Variants in SDK1 observed in about 807,000 individuals in gnomAD.
SDK1 encodes protein sidekick-1.
In SDK1, 157 loss-of-function variants were observed where a neutral mutation model predicts 245.5. The ratio of observed to expected loss-of-function variants is 0.64; its 90% CI spans 0.56 to 0.73. The LOEUF (loss-of-function observed/expected upper bound fraction) is 0.73. Ranked by LOEUF, SDK1 falls within the 30% of genes least tolerant of loss-of-function variation. SDK1 has a pLI of 0.00. For synonymous variants in SDK1, 1,647 were observed against 1,278.5 expected (o/e 1.29, Z -6.15); for missense variants, 3,583 against 3,002.3 (o/e 1.19, Z -4.52).
chr7:3,343,998 A>G (rs1200114618), intron 1 of SDK1, among the ~76,000 whole-genome samples: 1 of 147,226 alleles, frequency 6.8e-6, no homozygotes, highest in Non-Finnish European at 1.5e-5. Flanking sequence ...ACTAAACCAT[A>G]GTTGCTAAAC....
chr7:4,247,589 C>T (rs1786971329), intron 44 of SDK1, among the ~76,000 whole-genome samples: 1 of 152,246 alleles, frequency 6.6e-6, no homozygotes. Flanking sequence ...GCGCCGGCCT[C>T]GGGCCTGTCC....
At position 3,974,497 on chromosome 7, in the gene SDK1, T is replaced by C. The variant is rs747394048; in HGVS notation, c.1946T>C (p.Ile649Thr). ...SGDIGDYSCE[I>T]VSEGGNDSRM... is the part of the protein sequence containing the mutation. ...GACATCGGTGACTACAGCTGCGAGA[T>C]TGTTTCTGAAGGAGGGAATGACTCC... The change falls in exon 13 of 45, where the codon ATT becomes ACT. Residue 649 changes from isoleucine to threonine, a missense_variant. Ile to Thr is a moderately conservative substitution (Grantham distance 89). Coordinates refer to ENST00000404826, the MANE Select transcript of SDK1 (RefSeq NM_152744.4). The C allele has an allele frequency of 2.9e-5, 46 of 1,613,886 alleles. No individual in the cohort carries two copies. The highest frequency in any genetic ancestry group is 3.5e-5 in the Non-Finnish European group (41 of 1,180,004).
At chr7:3,403,121 A>G (rs2128574025) in intron 1 of SDK1, among the ~76,000 whole-genome samples, 1 of 152,162 alleles carries the variant, frequency 6.6e-6, no homozygotes, top group Non-Finnish European at 1.5e-5. Context: ...TTTAGTAGAA[A>G]CAGGGTTTCT....
chr7:3,565,106 CT>C (rs78415022), intron 1 of SDK1, among the ~76,000 whole-genome samples: 2,316 of 142,954 alleles, frequency 0.016, 18 homozygotes, highest in African/African-American at 0.026. Context: ...ACTTTTATTA[CT>C]TTTTTTTTTT....
intron 20 of SDK1, among the ~76,000 whole-genome samples, chr7:4,068,207 C>T (rs1780022739): frequency 6.6e-6 from 1 of 152,212 alleles, no homozygotes; most frequent in African/African-American, 2.4e-5. Context: ...TGTCCAGAGT[C>T]TCTGACCAAT....
At chr7:3,314,803 T>C (rs753246930) in intron 1 of SDK1, among the ~76,000 whole-genome samples, 113 of 152,272 alleles carry the variant, frequency 7.4e-4, no homozygotes, top group Non-Finnish European at 1.2e-3. Flanking sequence ...CCTTAAGAGG[T>C]TTTATTTTAA....
intron 4 of SDK1, among the ~76,000 whole-genome samples, chr7:3,718,660 G>C (rs1194738837): frequency 6.6e-6 from 1 of 152,044 alleles, no homozygotes; most frequent in Non-Finnish European, 1.5e-5. Context: ...ACTTCGTAAA[G>C]AGTATGTACA....
chr7:3,827,595 G>A lies in SDK1; in HGVS notation c.847+6012G>A, dbSNP rs2115068411. ...GAGGTGGGACCTACGTGTGTTGTCA[G>A]CTGACACTTCATTACAAATAACTTG... On this transcript the variant is annotated intron_variant, in intron 5 of 44. Transcript: ENST00000404826. 2.0e-5 allele frequency among the ~76,000 whole-genome samples: 3 copies of A among 152,358 alleles called. No individual in the cohort carries two copies. In the South Asian group the frequency reaches 6.2e-4, roughly 32 times the overall value.
intron 5 of SDK1, among the ~76,000 whole-genome samples, chr7:3,927,479 G>A (rs1416403968): frequency 6.6e-6 from 1 of 152,154 alleles, no homozygotes; most frequent in Non-Finnish European, 1.5e-5. Flanking sequence ...AGGGGAACTT[G>A]GAAGGAAACA....
At chr7:3,975,671 T>C (rs1337649352) in intron 13 of SDK1, among the ~76,000 whole-genome samples, 3 of 152,246 alleles carry the variant, frequency 2.0e-5, no homozygotes, top group African/African-American at 2.4e-5. Context: ...TTTGTGGATA[T>C]AAAAGGTTCA....
chr7:3,585,769 G>A (rs973068712), intron 1 of SDK1, among the ~76,000 whole-genome samples: 1 of 152,100 alleles, frequency 6.6e-6, no homozygotes, highest in African/African-American at 2.4e-5. Context: ...ATGAAACGGG[G>A]GAGAAATCTA....
rs183201122 is a variant in SDK1, at chr7:3,363,163, C to G, written c.298+61279C>G. ...ATCTCCTTCCACACTGCTCGGCAAC[C>G]ATGAATCTGTTCTCCATTTCTATAA... On this transcript the variant is annotated intron_variant, in intron 1 of 44. Transcript: ENST00000404826. 3.1e-3 allele frequency among the ~76,000 whole-genome samples: 470 copies of G among 152,290 alleles called. 1 individual carries two copies. Among genetic ancestry groups the G allele is most frequent in the African/African-American group, 0.011 (442 of 41,556 alleles).
intron 5 of SDK1, among the ~76,000 whole-genome samples, chr7:3,871,851 G>A (rs1780964427): frequency 6.6e-6 from 1 of 152,140 alleles, no homozygotes; most frequent in African/African-American, 2.4e-5. Context: ...TTTTATCAGA[G>A]TGGTTAGAAA....
chr7:4,161,196 C>T (rs1234121194), intron 31 of SDK1, among the ~76,000 whole-genome samples: 4 of 152,146 alleles, frequency 2.6e-5, no homozygotes, highest in African/African-American at 4.8e-5. Flanking sequence ...GGCTAGAGTG[C>T]AGGGCATGGC....
chr7:3,565,659 G>C (rs569685411), intron 1 of SDK1, among the ~76,000 whole-genome samples: 3 of 152,274 alleles, frequency 2.0e-5, no homozygotes, highest in Non-Finnish European at 2.9e-5. Flanking sequence ...ATTCACAGAT[G>C]CTCAAATCCC....
intron 30 of SDK1, among the ~76,000 whole-genome samples, chr7:4,154,960 G>T: frequency 6.6e-6 from 1 of 152,002 alleles, no homozygotes; most frequent in East Asian, 1.9e-4. Context: ...AGGAGCAACG[G>T]GGGTGGGGGG....
chr7:4,020,609 G>A (rs972103788), intron 17 of SDK1, among the ~76,000 whole-genome samples: 10 of 152,234 alleles, frequency 6.6e-5, no homozygotes, highest in African/African-American at 2.4e-4. Flanking sequence ...AGGAAGCAGA[G>A]TGACAAGAGG....
chr7:3,866,627 C>T (rs1780827631), intron 5 of SDK1, among the ~76,000 whole-genome samples: 2 of 152,100 alleles, frequency 1.3e-5, no homozygotes, highest in South Asian at 2.1e-4. Flanking sequence ...CCACGGAGGT[C>T]GTGGACTCCC....
chr7:3,907,885 A>C (rs1163438398), intron 5 of SDK1, among the ~76,000 whole-genome samples: 1 of 152,178 alleles, frequency 6.6e-6, no homozygotes, highest in Admixed American at 6.5e-5. Context: ...GTTTCAGTGG[A>C]ACTAGAATAC....
Sources: allele counts gnomAD v4.1 joint callset (sites outside exome capture counted in the v4.1 genomes callset), GRCh38; gene constraint gnomAD v4.1.1; transcripts MANE v1.5; gene names NCBI Gene and HGNC (gene_info 2026-07-23, HGNC 2026-07-21).